The following TBX15 variants were observed in gnomAD, a reference collection of about 807,000 sequenced individuals.
The protein encoded by TBX15 is T-box transcription factor TBX15.
TBX15 carries 18 observed loss-of-function variants against 53.9 expected under a neutral mutation model. That is an observed-to-expected ratio of 0.33 (90% CI 0.23 to 0.49). The LOEUF is 0.49. Ranked by LOEUF, TBX15 falls within the 20% of genes least tolerant of loss-of-function variation. TBX15 has a pLI of 0.98. For missense variants in TBX15, 692 were observed against 749.5 expected, an observed-to-expected ratio of 0.92 and a Z score of 0.90; for synonymous variants, 295 against 278.0, an observed-to-expected ratio of 1.06 and a Z score of -0.61.
intron 6 of TBX15, among the ~76,000 whole-genome samples, chr1:118,905,323 T>C (rs559942378): frequency 6.6e-6 from 1 of 152,282 alleles, no homozygotes; most frequent in African/African-American, 2.4e-5. Flanking sequence ...CGTCTCTCTG[T>C]TCGATGACAC....
At chr1:118,898,944 G>A in intron 7 of TBX15, 84 bp downstream of exon 7, 1 of 1,375,698 alleles carries the variant, frequency 7.3e-7, no homozygotes. Context: ...ATCTTGGCCT[G>A]AGGCCAGATG....
rs1571142547 is a variant in TBX15, at chr1:118,885,263, A to G, written c.1278T>C (p.Ser426=). Residue 426 remains serine (S), a synonymous_variant, in exon 8 of 8, where the codon AGT becomes AGC. Transcript: ENST00000369429. ...LSDSGYNRLQ[S]GTTSATQPSE... is the part of the protein sequence containing the mutation. ...AGGGCTGAGTGGCTGAAGTGGTGCC[A>G]CTCTGAAGCCTGTTGTAGCCACTGT... 1 of 1,614,014 alleles carries G rather than the reference A, an allele frequency of 6.2e-7. No individual in the cohort carries two copies. Among genetic ancestry groups the G allele is most frequent in the Non-Finnish European group, 8.5e-7 (1 of 1,180,008 alleles).
At chr1:118,942,576 C>T (rs1367947539) in intron 1 of TBX15, among the ~76,000 whole-genome samples, 1 of 152,138 alleles carries the variant, frequency 6.6e-6, no homozygotes, top group Non-Finnish European at 1.5e-5. Context: ...CCTAGGGTCA[C>T]CTCCTGACAT....
chr1:118,966,350 C>A (rs1280778318), intron 1 of TBX15, among the ~76,000 whole-genome samples: 1 of 152,168 alleles, frequency 6.6e-6, no homozygotes, highest in Non-Finnish European at 1.5e-5. Flanking sequence ...TGCTGGGCAG[C>A]AGCTGAAGAA....
chr1:118,969,350 C>A (rs562363856), intron 1 of TBX15, among the ~76,000 whole-genome samples: 6 of 152,242 alleles, frequency 3.9e-5, no homozygotes, highest in Admixed American at 1.3e-4. Flanking sequence ...GGCCTCTGGA[C>A]CATGAAAGAC....
intron 1 of TBX15, among the ~76,000 whole-genome samples, chr1:118,946,957 T>C (rs1449121883): frequency 6.6e-6 from 1 of 152,216 alleles, no homozygotes; most frequent in Admixed American, 6.5e-5. Flanking sequence ...TACCAGGTTC[T>C]TTCTCCTTAT....
intron 1 of TBX15, among the ~76,000 whole-genome samples, chr1:118,963,875 T>C (rs1656956703): frequency 6.6e-6 from 1 of 152,228 alleles, no homozygotes; most frequent in South Asian, 2.1e-4. Flanking sequence ...GAGCCTGTCC[T>C]CTTAGAACAC....
intron 1 of TBX15, among the ~76,000 whole-genome samples, chr1:118,953,394 A>G (rs1656582571): frequency 6.6e-6 from 1 of 152,246 alleles, no homozygotes; most frequent in Admixed American, 6.5e-5. Context: ...CATCCCCAAG[A>G]GAAACATGGG....
At chr1:118,986,738 G>T (rs1028406132) in intron 1 of TBX15, among the ~76,000 whole-genome samples, 4 of 152,198 alleles carry the variant, frequency 2.6e-5, no homozygotes, top group Non-Finnish European at 5.9e-5. Flanking sequence ...TTCTGAAACC[G>T]CTAAACCAAG....
intron 1 of TBX15, among the ~76,000 whole-genome samples, chr1:118,947,305 A>G (rs1656379247): frequency 6.6e-6 from 1 of 152,220 alleles, no homozygotes; most frequent in Non-Finnish European, 1.5e-5. Flanking sequence ...ATCTATTTTT[A>G]CCACACTGTG....
chr1:118,987,548 C>A (rs1295885751), intron 1 of TBX15, 43 bp downstream of exon 1: 1 of 1,527,984 alleles, frequency 6.5e-7, no homozygotes, highest in Non-Finnish European at 8.8e-7. Flanking sequence ...CCTTCGGCGT[C>A]CCCTCTCCGC....
Position 118,939,147 on chromosome 1 carries a change from C to T in TBX15, c.206-7315G>A, listed in dbSNP as rs183000493. 6.6e-5 allele frequency among the ~76,000 whole-genome samples: 10 copies of T among 152,096 alleles called. No individual in the cohort carries two copies. The East Asian group carries it at 1.9e-3, about 29-fold the overall frequency. ...GCAGGCCAGGCCTAATGGCTCATGC[C>T]TATAATCTTAGCACTTTGGAAAGCT... On this transcript the variant is annotated intron_variant, in intron 1 of 7. Transcript: ENST00000369429.
intron 7 of TBX15, among the ~76,000 whole-genome samples, chr1:118,888,520 T>C (rs1275059224): frequency 6.6e-6 from 1 of 152,252 alleles, no homozygotes; most frequent in Non-Finnish European, 1.5e-5. Flanking sequence ...TTCAAGCGTG[T>C]GGTTCCTCTT....
At chr1:118,970,350 TG>T (rs1657193927) in intron 1 of TBX15, among the ~76,000 whole-genome samples, 1 of 152,130 alleles carries the variant, frequency 6.6e-6, no homozygotes, top group Non-Finnish European at 1.5e-5. Context: ...ACAATGACAC[TG>T]GGTCAGCCCT....
At chr1:118,928,241 T>C (rs1209143929) in intron 2 of TBX15, among the ~76,000 whole-genome samples, 1 of 152,172 alleles carries the variant, frequency 6.6e-6, no homozygotes, top group Non-Finnish European at 1.5e-5. Context: ...TTAATAGAGA[T>C]GGTGGCTAAT....
intron 1 of TBX15, among the ~76,000 whole-genome samples, chr1:118,969,387 T>C (rs1192470776): frequency 6.6e-6 from 1 of 152,266 alleles, no homozygotes; most frequent in African/African-American, 2.4e-5. Flanking sequence ...AAGAGAATTC[T>C]GTAAGCCTTA....
intron 1 of TBX15, among the ~76,000 whole-genome samples, chr1:118,983,383 G>GTT (rs1657708720): frequency 6.6e-6 from 1 of 152,308 alleles, no homozygotes; most frequent in East Asian, 1.9e-4. Context: ...CGGGGCCGGA[G>GTT]TTTTACATAG....
At chr1:118,897,719 C>G (rs1398891014) in intron 7 of TBX15, among the ~76,000 whole-genome samples, 1 of 152,104 alleles carries the variant, frequency 6.6e-6, no homozygotes, top group African/African-American at 2.4e-5. Flanking sequence ...CTTTAAGCCC[C>G]TGTCTCTTAA....
chr1:118,968,468 A>G (rs887046050), intron 1 of TBX15, among the ~76,000 whole-genome samples: 1 of 152,170 alleles, frequency 6.6e-6, no homozygotes, highest in African/African-American at 2.4e-5. Flanking sequence ...CGGCCTCCCA[A>G]AGTGCTGGGA....
Sources: gnomAD v4.1 joint callset for allele counts (sites outside exome capture counted in the v4.1 genomes callset) on GRCh38, gnomAD v4.1.1 for gene constraint, MANE v1.5 for transcripts, NCBI Gene and HGNC (gene_info 2026-07-23, HGNC 2026-07-21) for gene names.